GPC6: variants seen among roughly 807,000 people sequenced by gnomAD.
The protein encoded by GPC6 is glypican-6.
Under a neutral mutation model 55.2 loss-of-function variants are expected in GPC6, and 14 were observed. The ratio of observed to expected loss-of-function variants is 0.25; its 90% CI spans 0.17 to 0.40. The LOEUF (loss-of-function observed/expected upper bound fraction) is 0.40. Ranked by LOEUF, GPC6 falls within the 10% of genes least tolerant of loss-of-function variation. GPC6 has a pLI of 1.00. For synonymous variants in GPC6, 278 were observed against 259.6 expected, an observed-to-expected ratio of 1.07 and a Z score of -0.68; for missense variants, 641 against 708.5, an observed-to-expected ratio of 0.90 and a Z score of 1.08.
At chr13:94,288,326 T>G (rs898890267) in intron 5 of GPC6, among the ~76,000 whole-genome samples, 8 of 152,048 alleles carry the variant, frequency 5.3e-5, no homozygotes, top group Admixed American at 3.3e-4. Flanking sequence ...TCCTCACTGG[T>G]CTCCTGGCTT....
intron 2 of GPC6, among the ~76,000 whole-genome samples, chr13:93,556,999 A>C (rs990490125): frequency 3.9e-5 from 6 of 152,148 alleles, no homozygotes; most frequent in African/African-American, 1.4e-4. Context: ...TTTAACTTTA[A>C]TGTGTTAAAG....
chr13:94,256,476 A>T (rs1891507478), intron 4 of GPC6, among the ~76,000 whole-genome samples: 1 of 152,192 alleles, frequency 6.6e-6, no homozygotes, highest in Admixed American at 6.5e-5. Context: ...ACCAAGAGCA[A>T]GGAGACTGGG....
intron 2 of GPC6, among the ~76,000 whole-genome samples, chr13:93,756,981 C>G (rs1190588783): frequency 6.6e-6 from 1 of 152,160 alleles, no homozygotes; most frequent in Non-Finnish European, 1.5e-5. Context: ...ACTCTAATTG[C>G]TCTGTGGCAC....
intron 1 of GPC6, among the ~76,000 whole-genome samples, chr13:93,518,318 T>G (rs1881282277): frequency 6.6e-6 from 1 of 151,842 alleles, no homozygotes; most frequent in African/African-American, 2.4e-5. Context: ...AATGTAAACC[T>G]ATAAGTGTGC....
chr13:94,099,301 G>T (rs1303322237), intron 4 of GPC6, among the ~76,000 whole-genome samples: 1 of 152,052 alleles, frequency 6.6e-6, no homozygotes, highest in African/African-American at 2.4e-5. Flanking sequence ...ACTTGCTTCA[G>T]AAATAAAGAG....
At chr13:94,335,678 A>G (rs541751569) in intron 6 of GPC6, among the ~76,000 whole-genome samples, 1 of 152,322 alleles carries the variant, frequency 6.6e-6, no homozygotes, top group East Asian at 1.9e-4. Context: ...GAAAACCAAG[A>G]CACTTTGCAA....
intron 1 of GPC6, among the ~76,000 whole-genome samples, chr13:93,285,228 G>A (rs1181704733): frequency 6.6e-6 from 1 of 152,122 alleles, no homozygotes; most frequent in Non-Finnish European, 1.5e-5. Context: ...ATACAGAGAG[G>A]AAAGTACAAA....
At chr13:93,439,676 TA>T (rs1877705660) in intron 1 of GPC6, among the ~76,000 whole-genome samples, 1 of 135,832 alleles carries the variant, frequency 7.4e-6, no homozygotes, top group South Asian at 2.3e-4. Flanking sequence ...TAAAATAAAA[TA>T]AAATAAAATA....
At chr13:94,072,020 T>G (rs1288206000) in intron 4 of GPC6, among the ~76,000 whole-genome samples, 1 of 152,204 alleles carries the variant, frequency 6.6e-6, no homozygotes, top group Non-Finnish European at 1.5e-5. Flanking sequence ...TTCCTACCAT[T>G]TATTTCCCCT....
At chr13:93,475,900 A>G (rs1435914889) in intron 1 of GPC6, among the ~76,000 whole-genome samples, 1 of 152,150 alleles carries the variant, frequency 6.6e-6, no homozygotes, top group Non-Finnish European at 1.5e-5. Context: ...TGTATAATTC[A>G]TGATATTGCT....
At chr13:93,825,985 T>G (rs1286633691) in intron 2 of GPC6, among the ~76,000 whole-genome samples, 3 of 150,782 alleles carry the variant, frequency 2.0e-5, no homozygotes, top group East Asian at 4.0e-4. Context: ...CTCAGCCTCC[T>G]GAGTAGCTGG....
chr13:93,943,538 G>A (rs1288183638), intron 3 of GPC6, among the ~76,000 whole-genome samples: 2 of 151,956 alleles, frequency 1.3e-5, no homozygotes, highest in African/African-American at 4.8e-5. Flanking sequence ...GTTCAGCTTT[G>A]CCCTCTGCTC....
chr13:93,672,708 A>G (rs1881421761), intron 2 of GPC6, among the ~76,000 whole-genome samples: 1 of 151,482 alleles, frequency 6.6e-6, no homozygotes, highest in African/African-American at 2.4e-5. Flanking sequence ...CTCAGTGTTC[A>G]TTATATGTAA....
At chr13:93,950,149 A>C (rs1879189498) in intron 3 of GPC6, among the ~76,000 whole-genome samples, 1 of 152,226 alleles carries the variant, frequency 6.6e-6, no homozygotes, top group African/African-American at 2.4e-5. Flanking sequence ...AGAATAGTTC[A>C]AATGGCAAAT....
chr13:93,989,512 A>G (rs1437666307), intron 3 of GPC6, among the ~76,000 whole-genome samples: 1 of 152,214 alleles, frequency 6.6e-6, no homozygotes, highest in Non-Finnish European at 1.5e-5. Context: ...AGCCATTCAC[A>G]GTGACTTTCT....
At chr13:93,958,016 C>T (rs558087064) in intron 3 of GPC6, among the ~76,000 whole-genome samples, 3 of 152,112 alleles carry the variant, frequency 2.0e-5, no homozygotes, top group East Asian at 1.9e-4. Context: ...TGTCTTCTTT[C>T]GAAAAGTGTC....
At chr13:94,047,218 T>C (rs1182535135) in intron 4 of GPC6, among the ~76,000 whole-genome samples, 1 of 152,096 alleles carries the variant, frequency 6.6e-6, no homozygotes, top group African/African-American at 2.4e-5. Context: ...TAATAATTTC[T>C]AAAACCCACA....
chr13:94,312,327 T>C (rs1003913563), intron 6 of GPC6, among the ~76,000 whole-genome samples: 3 of 152,238 alleles, frequency 2.0e-5, no homozygotes, highest in East Asian at 1.9e-4. Flanking sequence ...ATGCAACTTT[T>C]TTAATTGTTC....
intron 2 of GPC6, among the ~76,000 whole-genome samples, chr13:93,789,847 G>A (rs923408064): frequency 2.6e-5 from 4 of 151,060 alleles, no homozygotes; most frequent in African/African-American, 7.3e-5. Context: ...GAGAGTTTGG[G>A]TTGTGATTTT....
Sources: gnomAD v4.1 joint callset for allele counts (sites outside exome capture counted in the v4.1 genomes callset) on GRCh38, gnomAD v4.1.1 for gene constraint, MANE v1.5 for transcripts, NCBI Gene and HGNC (gene_info 2026-07-23, HGNC 2026-07-21) for gene names.